NPAS2: variants seen among roughly 807,000 people sequenced by gnomAD.
The protein encoded by NPAS2 is neuronal PAS domain-containing protein 2.
A neutral mutation model predicts 107.5 loss-of-function variants in NPAS2; 23 were observed. The observed-to-expected ratio is 0.21, with a 90% CI of 0.15 to 0.30. NPAS2 has a LOEUF of 0.30. Ranked by LOEUF, NPAS2 falls within the 10% of genes least tolerant of loss-of-function variation. NPAS2 has a pLI of 1.00. For synonymous variants in NPAS2, 403 were observed against 417.5 expected (o/e 0.97, Z 0.42); for missense variants, 756 against 1,043.3 (o/e 0.72, Z 3.79).
intron 1 of NPAS2, among the ~76,000 whole-genome samples, chr2:100,873,025 A>C (rs1214075912): frequency 6.6e-6 from 1 of 151,918 alleles, no homozygotes; most frequent in Non-Finnish European, 1.5e-5. Flanking sequence ...AAAACTGGCC[A>C]GGCGCAGTGT....
intron 20 of NPAS2, 85 bp from the exon 21 acceptor site, chr2:100,995,315 G>T: frequency 2.4e-6 from 3 of 1,250,096 alleles, no homozygotes; most frequent in Non-Finnish European, 3.3e-6. Context: ...AACTCAACCT[G>T]CAGCATGCCC....
At chr2:100,942,101 A>C (rs536786231) in intron 5 of NPAS2, among the ~76,000 whole-genome samples, 3 of 152,136 alleles carry the variant, frequency 2.0e-5, no homozygotes, top group Admixed American at 6.6e-5. Context: ...ACCTTCCCCA[A>C]AGAAAACAAG....
chr2:100,969,984 A>G (rs539128198), intron 11 of NPAS2, among the ~76,000 whole-genome samples: 1 of 152,334 alleles, frequency 6.6e-6, no homozygotes, highest in South Asian at 2.1e-4. Context: ...CCATACATGT[A>G]TCAGGTCACC....
At chr2:100,925,345 G>T in intron 3 of NPAS2, 51 bp downstream of exon 3, 1 of 1,587,044 alleles carries the variant, frequency 6.3e-7, no homozygotes, top group Non-Finnish European at 8.6e-7. Context: ...CCGTCCATGT[G>T]GTGATGACTT....
At chr2:100,838,530 G>A (rs377706231) in intron 1 of NPAS2, among the ~76,000 whole-genome samples, 3 of 152,016 alleles carry the variant, frequency 2.0e-5, no homozygotes, top group Admixed American at 6.5e-5. Flanking sequence ...TGCCTGCCTC[G>A]GCCTCCCAAA....
At chr2:100,879,241 G>A (rs1006379654) in intron 1 of NPAS2, among the ~76,000 whole-genome samples, 16 of 152,124 alleles carry the variant, frequency 1.1e-4, no homozygotes, top group African/African-American at 3.9e-4. Context: ...AAATGTTATT[G>A]TATTTAGGGT....
chr2:100,847,883 CT>C lies in NPAS2; in HGVS notation c.-23+27470del, dbSNP rs1677883042. Among the ~76,000 whole-genome samples, 3 of 152,146 alleles carry C rather than the reference CT, an allele frequency of 2.0e-5. No homozygotes were observed. In the South Asian group the frequency reaches 6.2e-4, roughly 32 times the overall value. On this transcript the variant is annotated intron_variant, in intron 1 of 20. Transcript: ENST00000335681. ...GGCCTTCTTTTGGTACAAGAAGTGG[CT>C]GATTTCGTGGCCTCAAGAACCACTT...
chr2:100,857,785 G>C (rs1678676019), intron 1 of NPAS2, among the ~76,000 whole-genome samples: 1 of 135,476 alleles, frequency 7.4e-6, no homozygotes, highest in South Asian at 2.3e-4. Context: ...CTTTCCTTCA[G>C]TTCTCACCAA....
intron 16 of NPAS2, chr2:100,985,372 C>G (rs1278756345): frequency 1.3e-5 from 2 of 152,648 alleles, no homozygotes; most frequent in Non-Finnish European, 2.9e-5. Context: ...TGACAGACAC[C>G]CTTTATTTAC....
At chr2:100,889,105 T>A (rs569730723) in intron 1 of NPAS2, among the ~76,000 whole-genome samples, 24 of 152,358 alleles carry the variant, frequency 1.6e-4, no homozygotes, top group African/African-American at 5.8e-4. Flanking sequence ...TTTCTAGTCC[T>A]GCTGAGGCAA....
At chr2:100,818,978 G>GAGCC (rs1405348689), upstream of NPAS2, among the ~76,000 whole-genome samples, 1 of 152,140 alleles carries the variant, frequency 6.6e-6, no homozygotes, top group Non-Finnish European at 1.5e-5. Context: ...CTCTGTCTTG[G>GAGCC]AGCCCCGAAG....
chr2:100,837,851 T>G (rs1233580233), intron 1 of NPAS2, among the ~76,000 whole-genome samples: 1 of 152,138 alleles, frequency 6.6e-6, no homozygotes, highest in Non-Finnish European at 1.5e-5. Flanking sequence ...ATCCAGGAAG[T>G]GTCCTTTAGA....
rs1279285208 is a variant in NPAS2, at chr2:100,968,260, G to C, written c.908-21G>C. 6.2e-7 allele frequency: 1 copy of C among 1,612,124 alleles called. No individual in the cohort carries two copies. Among genetic ancestry groups the C allele is most frequent in the Admixed American group, 1.7e-5 (1 of 59,978 alleles). ...TTCATATTAACATTGGTTATATGCG[G>C]AATCCATTTTCTACCGACAGTGATG... On this transcript the variant is annotated intron_variant, in intron 10 of 20. Transcript: ENST00000335681. This position sits in a 1 kb window ranked among gnomAD's most constrained non-coding sequence, Gnocchi z 5.3.
chr2:100,977,685 A>C, intron 14 of NPAS2, 25 bp from the exon 15 acceptor site: 1 of 1,602,594 alleles, frequency 6.2e-7, no homozygotes, highest in Non-Finnish European at 8.6e-7. Flanking sequence ...AAGCAGTGGT[A>C]ACAAAGCCCC....
At chr2:100,830,644 A>G (rs566490858) in intron 1 of NPAS2, among the ~76,000 whole-genome samples, 1 of 152,302 alleles carries the variant, frequency 6.6e-6, no homozygotes, top group South Asian at 2.1e-4. Context: ...GCAGCTAGTC[A>G]TGGTTCTCCG....
At chr2:100,836,750 G>A (rs773057038) in intron 1 of NPAS2, among the ~76,000 whole-genome samples, 26 of 152,276 alleles carry the variant, frequency 1.7e-4, no homozygotes, top group Non-Finnish European at 3.5e-4. Flanking sequence ...TTGCCCCGTC[G>A]TGAAGGCAAG....
At chr2:100,914,915 G>A (rs1193075620) in intron 2 of NPAS2, among the ~76,000 whole-genome samples, 3 of 152,078 alleles carry the variant, frequency 2.0e-5, no homozygotes, top group Admixed American at 6.6e-5. Flanking sequence ...AACCAGCAGC[G>A]AGTTCACCAT....
rs1054535823 is a variant in NPAS2 at position 100,820,697 on chromosome 2, C to G, written c.-23+283C>G. On this transcript the variant is annotated intron_variant, in intron 1 of 20. Coordinates refer to ENST00000335681, the MANE Select transcript of NPAS2 (RefSeq NM_002518.4). This position sits in a 1 kb window ranked among gnomAD's most constrained non-coding sequence, Gnocchi z 5.6. ...TCGACGCAGAAGACAGAGGACTGGG[C>G]ATCCGAGCCTCGGAATTTGGGGGTC... 6.6e-5 allele frequency among the ~76,000 whole-genome samples: 10 copies of G among 152,258 alleles called. No individual in the cohort carries two copies. Among genetic ancestry groups the G allele is most frequent in the African/African-American group, 2.4e-4 (10 of 41,584 alleles).
rs542223991 is a variant in NPAS2, at chr2:100,937,301, T to C, written c.274-452T>C. Among the ~76,000 whole-genome samples the C allele has an allele frequency of 2.6e-5, 4 of 152,278 alleles. No homozygotes were observed. The South Asian group carries it at 8.3e-4, about 32-fold the overall frequency. On this transcript the variant is annotated intron_variant, in intron 4 of 20. Transcript: ENST00000335681. ...CCTTGGCCAACAGGCACACTTTCTG[T>C]TTTTAATGCATCTGTTAGGTCTGAT...
Sources: gnomAD v4.1 joint callset for allele counts (sites outside exome capture counted in the v4.1 genomes callset) on GRCh38, gnomAD v4.1.1 for gene constraint, Gnocchi (gnomAD v3.1) non-coding constraint, MANE v1.5 for transcripts, NCBI Gene and HGNC (gene_info 2026-07-23, HGNC 2026-07-21) for gene names.